Variants in SORCS3 observed in about 807,000 individuals in gnomAD.
The protein encoded by SORCS3 is sortilin related VPS10 domain containing receptor 3.
In SORCS3, 57 loss-of-function variants were observed where a neutral mutation model predicts 146.3. The observed-to-expected ratio is 0.39, with a 90% CI of 0.31 to 0.49. The LOEUF is 0.49. Ranked by LOEUF, SORCS3 falls within the 20% of genes least tolerant of loss-of-function variation. SORCS3 has a pLI of 0.92. For synonymous variants in SORCS3, 653 were observed against 618.5 expected, an observed-to-expected ratio of 1.06 and a Z score of -0.83; for missense variants, 1,341 against 1,575.5, an observed-to-expected ratio of 0.85 and a Z score of 2.52.
chr10:104,980,050 CT>C (rs1442383248), intron 4 of SORCS3, among the ~76,000 whole-genome samples: 1 of 152,176 alleles, frequency 6.6e-6, no homozygotes, highest in Non-Finnish European at 1.5e-5. Context: ...CTCCACAGCA[CT>C]GAGAACATCT....
chr10:104,801,011 A>G (rs1169619688), intron 1 of SORCS3, among the ~76,000 whole-genome samples: 1 of 152,240 alleles, frequency 6.6e-6, no homozygotes, highest in East Asian at 1.9e-4. Context: ...CTAAATTTGT[A>G]GAAATCAGTC....
At chr10:104,724,596 A>G (rs1453425774) in intron 1 of SORCS3, among the ~76,000 whole-genome samples, 2 of 152,102 alleles carry the variant, frequency 1.3e-5, no homozygotes, top group Non-Finnish European at 2.9e-5. Flanking sequence ...CATTCTCCCC[A>G]TCACTTTCAG....
chr10:105,049,661 T>G (rs2055397693), intron 5 of SORCS3, among the ~76,000 whole-genome samples: 1 of 152,072 alleles, frequency 6.6e-6, no homozygotes, highest in African/African-American at 2.4e-5. Flanking sequence ...ATCATGTCCT[T>G]TGCAGCAAAA....
chr10:105,242,509 T>C (rs186990827), intron 20 of SORCS3, among the ~76,000 whole-genome samples: 138 of 50,518 alleles, frequency 2.7e-3, no homozygotes, highest in East Asian at 3.9e-3. Flanking sequence ...TATTTATATA[T>C]ATTTATATAC....
intron 1 of SORCS3, among the ~76,000 whole-genome samples, chr10:104,830,993 T>G (rs1280899377): frequency 2.6e-5 from 4 of 151,872 alleles, no homozygotes; most frequent in Non-Finnish European, 5.9e-5. Flanking sequence ...TTTTAATTAT[T>G]ATTATTTTTT....
intron 3 of SORCS3, among the ~76,000 whole-genome samples, chr10:104,932,226 C>G (rs1035466747): frequency 1.3e-5 from 2 of 152,208 alleles, no homozygotes; most frequent in East Asian, 3.8e-4. Flanking sequence ...CTTGCCTCAG[C>G]TGGACCCTAA....
At chr10:105,167,230 ATTG>A (rs576495900) in intron 12 of SORCS3, 25 bp from the exon 13 acceptor site, 1,765 of 1,465,130 alleles carry the variant, frequency 1.2e-3, no homozygotes, top group African/African-American at 2.4e-3. Context: ...TGTTGCTATG[ATTG>A]TTGTTGTTGT....
At position 104,951,668 on chromosome 10, in the gene SORCS3, A is replaced by G. The variant is rs1422413617; in HGVS notation, c.796-25667A>G. On this transcript the variant is annotated intron_variant, in intron 3 of 26. Coordinates refer to ENST00000369701, the MANE Select transcript of SORCS3 (RefSeq NM_014978.3). Reference sequence around the variant, plus strand: ...ATACAAACCAACCTGTTAGGATTACATAACAGTCTGTATGTCAGAGGTAGA... The same window carrying G: ...ATACAAACCAACCTGTTAGGATTACGTAACAGTCTGTATGTCAGAGGTAGA... Among the ~76,000 whole-genome samples, 6 of 152,262 alleles carry G rather than the reference A, an allele frequency of 3.9e-5. No individual in the cohort carries two copies. The South Asian group carries it at 6.2e-4, about 16-fold the overall frequency.
Position 105,182,230 on chromosome 10 carries a change from C to CTTTTTTTTTTTTTT in SORCS3, c.2009+4067_2009+4080dup, listed in dbSNP as rs11340368. Among the ~76,000 whole-genome samples the CTTTTTTTTTTTTTT allele has an allele frequency of 4.3e-3, 302 of 70,458 alleles. 30 individuals carry two copies. Among genetic ancestry groups the CTTTTTTTTTTTTTT allele is most frequent in the Admixed American group, 5.6e-3 (29 of 5,216 alleles). 46.2% of individuals were successfully genotyped at this position (70,458 alleles called of 152,430 possible). A position where few individuals can be genotyped will look rare whatever the true frequency, so the allele number is the denominator to read the frequency against. ...CAGCCAACTTGTGACTATTCAGCAT[C>CTTTTTTTTTTTTTT]TTTTTTTTTTTTTTTTTTTTTTTGT... On this transcript the variant is annotated intron_variant, in intron 14 of 26. Transcript: ENST00000369701.
chr10:105,014,362 G>A lies in SORCS3; in HGVS notation c.955-28693G>A, dbSNP rs565816271. Among the ~76,000 whole-genome samples the A allele has an allele frequency of 2.0e-5, 3 of 151,922 alleles. No homozygotes were observed. In the East Asian group the frequency reaches 5.8e-4, roughly 29 times the overall value. ...AACTATCTTTTATACCTTATGACAG[G>A]TAGAGGTTTCTGAATTAAGATGCAA... On this transcript the variant is annotated intron_variant, in intron 4 of 26. Transcript: ENST00000369701.
chr10:105,110,645 C>G (rs1290493659), intron 7 of SORCS3, among the ~76,000 whole-genome samples: 2 of 152,042 alleles, frequency 1.3e-5, no homozygotes, highest in Non-Finnish European at 2.9e-5. Context: ...TCTGATAAGA[C>G]AGAACCACCT....
At chr10:105,015,473 A>G (rs2133684189) in intron 4 of SORCS3, among the ~76,000 whole-genome samples, 1 of 152,126 alleles carries the variant, frequency 6.6e-6, no homozygotes, top group South Asian at 2.1e-4. Context: ...GATGGATCTT[A>G]GAAAAACAAT....
intron 1 of SORCS3, among the ~76,000 whole-genome samples, chr10:104,785,355 T>C (rs1008194226): frequency 7.0e-6 from 1 of 142,916 alleles, no homozygotes; most frequent in African/African-American, 2.7e-5. Context: ...GTGCAAGATG[T>C]GCTTTGTTAA....
chr10:104,969,340 T>TGTGTGCGCGC (rs398014705), intron 3 of SORCS3, among the ~76,000 whole-genome samples: 31 of 112,422 alleles, frequency 2.8e-4, no homozygotes, highest in Non-Finnish European at 4.6e-4. Flanking sequence ...TGTGTGTGTG[T>TGTGTGCGCGC]GCGCGCGCGC....
intron 4 of SORCS3, among the ~76,000 whole-genome samples, chr10:105,009,865 C>T (rs529636135): frequency 1.3e-5 from 2 of 152,030 alleles, no homozygotes; most frequent in Non-Finnish European, 2.9e-5. Context: ...TGGGACAAAA[C>T]TCCCTTTCTC....
At chr10:104,815,507 G>A (rs1027191) in intron 1 of SORCS3, among the ~76,000 whole-genome samples, 16,448 of 148,724 alleles carry the variant, frequency 0.11, 1,080 homozygotes, top group Middle Eastern at 0.15. Flanking sequence ...TAACATTATC[G>A]GGCACATTTA....
chr10:105,121,707 C>T (rs1288675370), intron 7 of SORCS3, among the ~76,000 whole-genome samples: 1 of 152,182 alleles, frequency 6.6e-6, no homozygotes, highest in Non-Finnish European at 1.5e-5. Flanking sequence ...GCATCATTAA[C>T]CAAAGAAAGG....
At chr10:104,927,576 G>A (rs2019160861) in intron 3 of SORCS3, among the ~76,000 whole-genome samples, 1 of 152,094 alleles carries the variant, frequency 6.6e-6, no homozygotes, top group Admixed American at 6.6e-5. Context: ...CACTTTGAAA[G>A]CCTTTAAAAA....
At chr10:104,899,931 C>A (rs1308882692) in intron 2 of SORCS3, among the ~76,000 whole-genome samples, 2 of 152,050 alleles carry the variant, frequency 1.3e-5, no homozygotes, top group Non-Finnish European at 2.9e-5. Flanking sequence ...TGATATGGGG[C>A]ACAAAAGCCC....
Sources: gnomAD v4.1 joint callset for allele counts (sites outside exome capture counted in the v4.1 genomes callset) on GRCh38, gnomAD v4.1.1 for gene constraint, MANE v1.5 for transcripts, NCBI Gene and HGNC (gene_info 2026-07-23, HGNC 2026-07-21) for gene names.